Variants in RAB3GAP2 observed in about 807,000 individuals in gnomAD.
RAB3GAP2 encodes the protein RAB3 GTPase activating non-catalytic protein subunit 2, also known as rab3 GTPase-activating protein non-catalytic subunit.
Under a neutral mutation model 185.3 loss-of-function variants are expected in RAB3GAP2, and 87 were observed. The ratio of observed to expected loss-of-function variants is 0.47; its 90% CI spans 0.39 to 0.56. RAB3GAP2 has a LOEUF of 0.56. Among genes scored for constraint, RAB3GAP2 ranks in the 20% least tolerant of loss-of-function variants. The pLI is 0.00. For synonymous variants in RAB3GAP2, 554 were observed against 576.1 expected (o/e 0.96, Z 0.55); for missense variants, 1,492 against 1,638.2 (o/e 0.91, Z 1.54).
At chr1:220,217,493 T>G (rs1271293621) in intron 2 of RAB3GAP2, among the ~76,000 whole-genome samples, 1 of 152,136 alleles carries the variant, frequency 6.6e-6, no homozygotes, top group African/African-American at 2.4e-5. Context: ...ACTCCTAACC[T>G]TCTTTCAAAC....
chr1:220,164,905 T>G (rs930645369), intron 26 of RAB3GAP2, 106 bp from the exon 27 acceptor site: 1 of 1,074,130 alleles, frequency 9.3e-7, no homozygotes, highest in Non-Finnish European at 1.4e-6. Context: ...TAAAACCACC[T>G]AAGAATGTTG....
intron 23 of RAB3GAP2, 111 bp from the exon 24 acceptor site, chr1:220,171,231 C>T: frequency 2.2e-6 from 2 of 914,650 alleles, no homozygotes; most frequent in Non-Finnish European, 3.5e-6. Flanking sequence ...CACAAAGCAA[C>T]ACATACATGC....
intron 31 of RAB3GAP2, among the ~76,000 whole-genome samples, chr1:220,155,043 C>T (rs2102850776): frequency 6.6e-6 from 1 of 152,240 alleles, no homozygotes; most frequent in East Asian, 1.9e-4. Flanking sequence ...CTTTTAAAAA[C>T]ACTTGTTGAA....
chr1:220,272,170 G>A, intron 1 of RAB3GAP2, 53 bp downstream of exon 1: 4 of 1,456,764 alleles, frequency 2.7e-6, no homozygotes, highest in Non-Finnish European at 9.5e-7. Flanking sequence ...GAACCCGTGA[G>A]CAGAGGCCGC....
At position 220,153,218 on chromosome 1, in the gene RAB3GAP2, T is replaced by C. The variant is rs1421929775; in HGVS notation, c.3834A>G (p.Leu1278=). The C allele has an allele frequency of 6.2e-7, 1 of 1,614,002 alleles. No individual in the cohort carries two copies. Among genetic ancestry groups the C allele is most frequent in the Non-Finnish European group, 8.5e-7 (1 of 1,179,850 alleles). Residue 1278 remains leucine, a synonymous_variant, in exon 33 of 35, where the codon CTA becomes CTG. Transcript: ENST00000358951. Reference sequence around the variant, plus strand: ...CTAAGTGGTCAACTCCATAGTTGTATAGTTCCCCCACATAATGCCTTCTAA... The same window carrying C: ...CTAAGTGGTCAACTCCATAGTTGTACAGTTCCCCCACATAATGCCTTCTAA... The part of the protein sequence containing the change: ...DVVRRHYVGE[L]YNYGVDHLGE...
In RAB3GAP2 at chr1:220,162,202, T is replaced by A. The variant is rs1201172881; in HGVS notation, c.3221A>T (p.Asp1074Val). ...CAATACATGAAACTACCTTACCTTA[T>A]CCATTAAGTATGTAGCAGCAGAAAA... ...KRFSAATYLM[D>V]KVGKSPKDRL... The change falls in exon 28 of 35, where the codon GAT becomes GTT. Residue 1074 changes from aspartate to valine, a missense_variant. Asp to Val is a radical substitution (Grantham distance 152). This residue lies in a region of RAB3GAP2 where 387 missense variants were observed against 455.3 expected (regional missense o/e 0.85). Transcript: ENST00000358951. The A allele has an allele frequency of 4.5e-6, 7 of 1,561,024 alleles. No individual in the cohort carries two copies. The highest frequency in any genetic ancestry group is 6.2e-6 in the Non-Finnish European group (7 of 1,131,992).
intron 8 of RAB3GAP2, among the ~76,000 whole-genome samples, chr1:220,202,866 C>G (rs1029138311): frequency 3.9e-5 from 6 of 152,164 alleles, no homozygotes; most frequent in African/African-American, 1.4e-4. Flanking sequence ...TCACTTGAAC[C>G]TGGGAGGTGG....
intron 8 of RAB3GAP2, among the ~76,000 whole-genome samples, chr1:220,205,564 T>C (rs1558154982): frequency 6.6e-6 from 1 of 152,180 alleles, no homozygotes; most frequent in Non-Finnish European, 1.5e-5. Context: ...AACTAAATTC[T>C]TTACCCCATT....
At chr1:220,213,005 C>G in intron 3 of RAB3GAP2, 37 bp from the exon 4 acceptor site, 1 of 1,422,846 alleles carries the variant, frequency 7.0e-7, no homozygotes, top group South Asian at 1.2e-5. Flanking sequence ...ATAATTTTAG[C>G]TATAATACAC....
intron 14 of RAB3GAP2, 82 bp from the exon 15 acceptor site, chr1:220,190,602 C>T (rs971501964): frequency 4.3e-6 from 6 of 1,397,938 alleles, no homozygotes; most frequent in Non-Finnish European, 5.0e-6. Flanking sequence ...AGCTAGGAAA[C>T]CCAACATTAT....
At chr1:220,174,854 C>T (rs1337865586) in intron 21 of RAB3GAP2, among the ~76,000 whole-genome samples, 1 of 152,150 alleles carries the variant, frequency 6.6e-6, no homozygotes, top group East Asian at 1.9e-4. Flanking sequence ...GTTCCTTCCA[C>T]TTGCAACCCA....
rs182424988 is a variant in RAB3GAP2, at chr1:220,190,847, G to C, written c.1487+221C>G. 2.0e-5 allele frequency among the ~76,000 whole-genome samples: 3 copies of C among 151,696 alleles called. No individual in the cohort carries two copies. The East Asian group carries it at 5.8e-4, about 29-fold the overall frequency. On this transcript the variant is annotated intron_variant, in intron 14 of 34. Transcript: ENST00000358951. The stretch of plus-strand genomic sequence containing the variant: ...AGTAAGGGACAAACATTAGCAACAA[G>C]CTAACTTTAATTCAGCAGTCTATCA...
At chr1:220,184,522 A>G (rs973772639) in intron 18 of RAB3GAP2, among the ~76,000 whole-genome samples, 2 of 152,130 alleles carry the variant, frequency 1.3e-5, no homozygotes, top group Non-Finnish European at 2.9e-5. Flanking sequence ...TATAAAAGAA[A>G]TATTTATTCT....
chr1:220,233,242 T>TAA (rs377359699), intron 1 of RAB3GAP2, among the ~76,000 whole-genome samples: 2 of 151,950 alleles, frequency 1.3e-5, no homozygotes, highest in African/African-American at 4.8e-5. Flanking sequence ...TACACGGTGA[T>TAA]AAAAAAAACA....
chr1:220,215,290 C>G (rs1179378103), intron 2 of RAB3GAP2, among the ~76,000 whole-genome samples: 1 of 152,118 alleles, frequency 6.6e-6, no homozygotes, highest in Non-Finnish European at 1.5e-5. Context: ...TATTCCCAAA[C>G]TGTGCCCCAC....
chr1:220,169,900 C>A (rs1658141927), intron 24 of RAB3GAP2, among the ~76,000 whole-genome samples: 1 of 151,918 alleles, frequency 6.6e-6, no homozygotes, highest in East Asian at 1.9e-4. Context: ...TACATTTGAC[C>A]CAGCAATCCC....
intron 2 of RAB3GAP2, among the ~76,000 whole-genome samples, chr1:220,226,049 T>C (rs555343680): frequency 3.9e-5 from 6 of 152,192 alleles, no homozygotes; most frequent in African/African-American, 7.2e-5. Context: ...TAACAGTTTC[T>C]GTAAAACAGA....
chr1:220,196,389 G>A lies in RAB3GAP2; in HGVS notation c.821C>T (p.Thr274Ile), dbSNP rs1455844030. The stretch of plus-strand genomic sequence containing the variant: ...CTTCATTTGATCAAAGGGGGACAGA[G>A]TCATAATACCTAATAAAAAAAAAAA... ...IIDHASVGIM[T>I]LSPFDQMKTA... Residue 274 changes from threonine to isoleucine, a missense_variant, in exon 10 of 35, where the codon ACT becomes ATT. Thr to Ile is a moderately conservative substitution (Grantham distance 89). This residue lies in a region of RAB3GAP2 where 243 missense variants were observed against 314.8 expected (regional missense o/e 0.77). Transcript: ENST00000358951. 6.3e-7 allele frequency: 1 copy of A among 1,595,538 alleles called. No individual in the cohort carries two copies. The highest frequency in any genetic ancestry group is 8.6e-7 in the Non-Finnish European group (1 of 1,166,804).
At chr1:220,153,758 C>A (rs941630222) in intron 32 of RAB3GAP2, 35 of 548,400 alleles carry the variant, frequency 6.4e-5, no homozygotes, top group South Asian at 5.0e-4. Context: ...CCCTTCCCCC[C>A]ACCCCACGAC....
Sources: allele counts gnomAD v4.1 joint callset (sites outside exome capture counted in the v4.1 genomes callset), GRCh38; gene constraint gnomAD v4.1.1; regional missense constraint gnomAD v4.1.1; transcripts MANE v1.5; gene names NCBI Gene and HGNC (gene_info 2026-07-23, HGNC 2026-07-21).